Variants in KLRD1 observed in about 807,000 individuals in gnomAD.
The protein encoded by KLRD1 is killer cell lectin like receptor D1, also known as natural killer cells antigen CD94.
In KLRD1, 21 loss-of-function variants were observed where a neutral mutation model predicts 22.6. That is an observed-to-expected ratio of 0.93 (90% CI 0.66 to 1.34). The LOEUF (loss-of-function observed/expected upper bound fraction) is 1.34, where lower values mean the gene tolerates loss of function less well. Among genes scored for constraint, KLRD1 ranks in the 40% most tolerant of loss-of-function variants. The probability of loss-of-function intolerance (pLI) is 0.00; values close to 1 mark genes in which losing one functional copy is unlikely to be tolerated. For synonymous variants in KLRD1, 59 were observed against 71.1 expected (o/e 0.83, Z 0.85); for missense variants, 183 against 208.6 (o/e 0.88, Z 0.76).
intron 1 of KLRD1, among the ~76,000 whole-genome samples, chr12:10,293,837 A>G (rs996361813): frequency 2.6e-5 from 4 of 152,236 alleles, no homozygotes; most frequent in Non-Finnish European, 5.9e-5. Context: ...GGGAAACCCA[A>G]CAGCAGGGAC....
Position 10,309,625 on chromosome 12 carries a change from G to T in KLRD1, c.101-1G>T, listed in dbSNP as rs969233056. ...AACAAATTTCTAATCATTTCTTATA[G>T]CTTTTACTAAACTGAGTATTGAGCC... On this transcript the variant is annotated splice_acceptor_variant, in intron 2 of 5. Transcript: ENST00000336164. LOFTEE classifies it high-confidence loss of function. 1 of 1,607,472 alleles carries T rather than the reference G, an allele frequency of 6.2e-7. No homozygotes were observed. Among genetic ancestry groups the T allele is most frequent in the Non-Finnish European group, 8.5e-7 (1 of 1,174,354 alleles).
At position 10,318,528 on chromosome 12, in the gene KLRD1, T is replaced by C. The variant is rs1328942639; in HGVS notation, c.*3735T>C. The C allele has an allele frequency of 6.6e-6, 1 of 152,088 alleles. No individual in the cohort carries two copies. Among genetic ancestry groups the C allele is most frequent in the Non-Finnish European group, 1.5e-5 (1 of 68,028 alleles). 9.4% of individuals were successfully genotyped at this position (152,088 alleles called of 1,614,324 possible). On this transcript the variant is annotated 3_prime_UTR_variant, in exon 6 of 6. Transcript: ENST00000336164. The stretch of plus-strand genomic sequence containing the variant: ...TGTTTGAATTCTCTTTCTCATACGG[T>C]ATCATATTCCTTTCACTTATTAAAA...
chr12:10,246,577 A>G (rs1423801019), intron 1 of KLRD1, among the ~76,000 whole-genome samples: 1 of 152,216 alleles, frequency 6.6e-6, no homozygotes, highest in East Asian at 1.9e-4. Context: ...ACTATGGTGT[A>G]TAGTAATATA....
intron 1 of KLRD1, among the ~76,000 whole-genome samples, chr12:10,270,312 T>C (rs1250480413): frequency 1.3e-5 from 2 of 152,226 alleles, no homozygotes; most frequent in African/African-American, 4.8e-5. Flanking sequence ...TTTAAAATTA[T>C]ATTTTAGTAA....
At chr12:10,284,396 A>C (rs1949680101) in intron 1 of KLRD1, among the ~76,000 whole-genome samples, 1 of 152,170 alleles carries the variant, frequency 6.6e-6, no homozygotes, top group African/African-American at 2.4e-5. Flanking sequence ...ATTGAGTATA[A>C]TTTAATCCAC....
At chr12:10,281,403 A>G (rs1171901797) in intron 1 of KLRD1, among the ~76,000 whole-genome samples, 1 of 152,180 alleles carries the variant, frequency 6.6e-6, no homozygotes, top group Non-Finnish European at 1.5e-5. Context: ...TACAGCAGCA[A>G]TAGTATACTA....
At chr12:10,295,563 C>T (rs1331129598) in intron 1 of KLRD1, among the ~76,000 whole-genome samples, 1 of 151,740 alleles carries the variant, frequency 6.6e-6, no homozygotes, top group Non-Finnish European at 1.5e-5. Flanking sequence ...TTAATTTTTA[C>T]ACATTGAATA....
In KLRD1 at chr12:10,329,285, G is replaced by A. The variant is rs1441228363; in HGVS notation, c.*14492G>A. On this transcript the variant is annotated 3_prime_UTR_variant, in exon 6 of 6. Coordinates refer to ENST00000336164, the MANE Select transcript of KLRD1 (RefSeq NM_002262.5). The stretch of plus-strand genomic sequence containing the variant: ...CTTTGCAGATTGGTTGTTCAAAAAT[G>A]TATTGTTAAATTATCACATATTTAT... The A allele has an allele frequency of 6.6e-6, 1 of 152,070 alleles. No individual in the cohort carries two copies. Among genetic ancestry groups the A allele is most frequent in the Non-Finnish European group, 1.5e-5 (1 of 67,998 alleles). 9.4% of individuals were successfully genotyped at this position (152,070 alleles called of 1,614,324 possible).
intron 1 of KLRD1, among the ~76,000 whole-genome samples, chr12:10,279,550 G>A (rs1196519081): frequency 6.6e-6 from 1 of 152,112 alleles, no homozygotes; most frequent in Non-Finnish European, 1.5e-5. Context: ...CAGGTATTCA[G>A]GGGTTTTCTT....
chr12:10,325,933 T>G lies in KLRD1; in HGVS notation c.*11140T>G, dbSNP rs545293628. Reference sequence around the variant, plus strand: ...GCACAATTTTTCATTCCCACCAAAGTGTTCAAGGGGTCTAATTACCCCACG... The same window carrying G: ...GCACAATTTTTCATTCCCACCAAAGGGTTCAAGGGGTCTAATTACCCCACG... On this transcript the variant is annotated 3_prime_UTR_variant, in exon 6 of 6. Coordinates refer to ENST00000336164, the MANE Select transcript of KLRD1 (RefSeq NM_002262.5). The G allele has an allele frequency of 3.3e-5, 5 of 152,326 alleles. No homozygotes were observed. In the South Asian group the frequency reaches 1.0e-3, roughly 32 times the overall value. The allele number at this position is 152,326 out of a possible 1,614,324, so 9.4% of individuals were successfully genotyped here.
At position 10,326,826 on chromosome 12, in the gene KLRD1, G is replaced by C. The variant is rs897986923; in HGVS notation, c.*12033G>C. ...GCAGTTTTGCCCTAAGCAGTTCCCA[G>C]CTTGAATTTTCCCTTTTGTTGAGTG... is the stretch of plus-strand genomic sequence containing the variant. On this transcript the variant is annotated 3_prime_UTR_variant, in exon 6 of 6. Coordinates refer to ENST00000336164, the MANE Select transcript of KLRD1 (RefSeq NM_002262.5). 2 of 152,208 alleles carry C rather than the reference G, an allele frequency of 1.3e-5. No homozygotes were observed. The highest frequency in any genetic ancestry group is 4.8e-5 in the African/African-American group (2 of 41,462). The allele number at this position is 152,208 out of a possible 1,614,324, so 9.4% of individuals were successfully genotyped here.
intron 1 of KLRD1, among the ~76,000 whole-genome samples, chr12:10,266,369 A>C (rs1402543444): frequency 6.6e-6 from 1 of 152,134 alleles, no homozygotes; most frequent in Non-Finnish European, 1.5e-5. Context: ...TGGGCAAAGG[A>C]TGTATTTTAA....
chr12:10,257,507 G>A (rs1416482326), intron 1 of KLRD1, among the ~76,000 whole-genome samples: 1 of 100,224 alleles, frequency 1.0e-5, no homozygotes, highest in East Asian at 2.9e-4. Context: ...TTTTTTTGTA[G>A]TAACAGTATA....
rs1950181980 is a variant in KLRD1 at position 10,314,703 on chromosome 12, G to T, written c.450G>T (p.Lys150Asn). 6.3e-7 allele frequency: 1 copy of T among 1,586,684 alleles called. No individual in the cohort carries two copies. Among genetic ancestry groups the T allele is most frequent in the Non-Finnish European group, 8.6e-7 (1 of 1,167,378 alleles). Residue 150 changes from lysine to asparagine, a missense_variant, in exon 6 of 6, where the codon AAG (lysine) becomes AAT (asparagine). Physicochemically the swap from Lys to Asn is moderately conservative, Grantham distance 94. Transcript: ENST00000336164. ...LFPSFETFNT[K>N]NCIAYNPNGN... ...CATCATTTGAAACTTTTAATACAAA[G>T]AACTGCATAGCGTATAATCCAAATG...
rs184313741 is a variant in KLRD1 at position 10,324,701 on chromosome 12, G to A, written c.*9908G>A. The A allele has an allele frequency of 9.3e-5, 14 of 150,530 alleles. No homozygotes were observed. The highest frequency in any genetic ancestry group is 9.3e-4 in the Admixed American group (14 of 15,082). The allele number at this position is 150,530 out of a possible 1,614,324, so 9.3% of individuals were successfully genotyped here. A position where few individuals can be genotyped will look rare whatever the true frequency, so the allele number is the denominator to read the frequency against. On this transcript the variant is annotated 3_prime_UTR_variant, in exon 6 of 6. Transcript: ENST00000336164. Reference sequence around the variant, plus strand: ...AGTTTTTAATATTCAGGCCTTTTATGTTTTTATGAGATTTCCCCAAAGTAG... The same window carrying A: ...AGTTTTTAATATTCAGGCCTTTTATATTTTTATGAGATTTCCCCAAAGTAG...
intron 1 of KLRD1, among the ~76,000 whole-genome samples, chr12:10,280,926 G>C (rs1949635093): frequency 6.6e-6 from 1 of 152,170 alleles, no homozygotes; most frequent in South Asian, 2.1e-4. Context: ...AAGGGGTCCA[G>C]ATGAGAGCAG....
Position 10,319,013 on chromosome 12 carries a change from A to G in KLRD1, c.*4220A>G, listed in dbSNP as rs1158608491. 6 of 152,176 alleles carry G rather than the reference A, an allele frequency of 3.9e-5. No individual in the cohort carries two copies. Among genetic ancestry groups the G allele is most frequent in the Non-Finnish European group, 8.8e-5 (6 of 68,032 alleles). 9.4% of individuals were successfully genotyped at this position (152,176 alleles called of 1,614,324 possible). A position where few individuals can be genotyped will look rare whatever the true frequency, so the allele number is the denominator to read the frequency against. On this transcript the variant is annotated 3_prime_UTR_variant, in exon 6 of 6. Transcript: ENST00000336164. ...TGAAAAACTTTTCTCAAAAAGCTCT[A>G]TAGCATATATTTTCAACTTTGTGGA...
intron 4 of KLRD1, among the ~76,000 whole-genome samples, chr12:10,312,573 T>G (rs1202315836): frequency 6.2e-5 from 9 of 146,150 alleles, no homozygotes; most frequent in African/African-American, 7.5e-5. Flanking sequence ...AGAGACGCGG[T>G]TTCACCGTGT....
At chr12:10,255,238 A>G (rs1949384326) in intron 1 of KLRD1, among the ~76,000 whole-genome samples, 1 of 152,212 alleles carries the variant, frequency 6.6e-6, no homozygotes, top group South Asian at 2.1e-4. Flanking sequence ...TAATTTGAGG[A>G]CTTTTAAAAA....
Sources: allele counts gnomAD v4.1 joint callset (sites outside exome capture counted in the v4.1 genomes callset), GRCh38; gene constraint gnomAD v4.1.1; transcripts MANE v1.5; gene names NCBI Gene and HGNC (gene_info 2026-07-23, HGNC 2026-07-21).